Variants in SEL1L2 observed in about 807,000 individuals in gnomAD.
SEL1L2 encodes the protein SEL1L2 adaptor subunit of SYVN1 ubiquitin ligase.
Under a neutral mutation model 98.8 loss-of-function variants are expected in SEL1L2, and 89 were observed. That is an observed-to-expected ratio of 0.90 (90% CI 0.76 to 1.07). SEL1L2 has a LOEUF of 1.07. SEL1L2 is among the 50% of genes least tolerant of loss of function. The probability of loss-of-function intolerance (pLI) is 0.00; values close to 1 mark genes in which losing one functional copy is unlikely to be tolerated. For synonymous variants in SEL1L2, 262 were observed against 278.5 expected (o/e 0.94, Z 0.59); for missense variants, 788 against 812.0 (o/e 0.97, Z 0.36).
intron 8 of SEL1L2, among the ~76,000 whole-genome samples, chr20:13,887,369 T>C (rs943393982): frequency 1.3e-5 from 2 of 152,200 alleles, no homozygotes; most frequent in Admixed American, 1.3e-4. Context: ...TCATATGTGG[T>C]GACAGATACC....
At chr20:13,927,560 T>C (rs1453972607) in intron 3 of SEL1L2, among the ~76,000 whole-genome samples, 1 of 152,256 alleles carries the variant, frequency 6.6e-6, no homozygotes, top group Non-Finnish European at 1.5e-5. Flanking sequence ...CAGATTATTA[T>C]ATGTGTTTTG....
chr20:13,970,892 A>C (rs1399660015), intron 1 of SEL1L2, among the ~76,000 whole-genome samples: 1 of 148,838 alleles, frequency 6.7e-6, no homozygotes, highest in African/African-American at 2.4e-5. Context: ...TATATATATT[A>C]CTATATATAT....
intron 2 of SEL1L2, among the ~76,000 whole-genome samples, chr20:13,947,251 C>T (rs1316478434): frequency 6.6e-6 from 1 of 152,116 alleles, no homozygotes; most frequent in Non-Finnish European, 1.5e-5. Flanking sequence ...ATAAAAACCC[C>T]CGGACTCAGC....
chr20:13,873,958 G>A (rs546232666), intron 12 of SEL1L2, among the ~76,000 whole-genome samples: 9 of 152,160 alleles, frequency 5.9e-5, no homozygotes, highest in African/African-American at 1.7e-4. Context: ...AGGAGTGAAC[G>A]CAGGGTAAGT....
upstream of SEL1L2, among the ~76,000 whole-genome samples, chr20:13,991,186 TAGGGA>T (rs1258289368): frequency 1.3e-5 from 2 of 152,180 alleles, no homozygotes; most frequent in African/African-American, 4.8e-5. Flanking sequence ...AATGAATATT[TAGGGA>T]AAACATATAA....
At chr20:13,961,794 A>C (rs2050783679) in intron 1 of SEL1L2, among the ~76,000 whole-genome samples, 1 of 152,212 alleles carries the variant, frequency 6.6e-6, no homozygotes, top group Non-Finnish European at 1.5e-5. Context: ...GGCCCTAATT[A>C]ATAAACATTG....
At chr20:13,915,098 T>C (rs901091643) in intron 4 of SEL1L2, 1 of 1,284,114 alleles carries the variant, frequency 7.8e-7, no homozygotes, top group Non-Finnish European at 1.0e-6. Context: ...TTGCTTCTGA[T>C]TTAGGAGGAT....
intron 1 of SEL1L2, among the ~76,000 whole-genome samples, chr20:13,978,423 G>T (rs1402728297): frequency 6.6e-6 from 1 of 152,168 alleles, no homozygotes; most frequent in Non-Finnish European, 1.5e-5. Flanking sequence ...AACAAATGCT[G>T]GCAAGGATGT....
chr20:13,976,938 T>C (rs2051569234), intron 1 of SEL1L2, among the ~76,000 whole-genome samples: 3 of 152,186 alleles, frequency 2.0e-5, no homozygotes, highest in East Asian at 1.9e-4. Context: ...AATTTCACCA[T>C]GGTGGGCCTC....
At chr20:13,879,904 T>C (rs2046616174) in intron 10 of SEL1L2, among the ~76,000 whole-genome samples, 1 of 152,196 alleles carries the variant, frequency 6.6e-6, no homozygotes, top group Non-Finnish European at 1.5e-5. Context: ...ATTACACAAA[T>C]CACATTATCT....
chr20:13,852,946 C>T (rs137916649), intron 18 of SEL1L2, among the ~76,000 whole-genome samples: 17 of 152,050 alleles, frequency 1.1e-4, no homozygotes, highest in African/African-American at 3.6e-4. Context: ...ATAAATATAT[C>T]ATATGTTAAT....
At chr20:13,875,706 C>T (rs1232966513) in intron 12 of SEL1L2, among the ~76,000 whole-genome samples, 1 of 152,176 alleles carries the variant, frequency 6.6e-6, no homozygotes, top group Non-Finnish European at 1.5e-5. Context: ...CCTCTGTCCT[C>T]ATCTCTTTTG....
At chr20:13,907,081 T>C (rs1026057584) in intron 5 of SEL1L2, among the ~76,000 whole-genome samples, 2 of 152,220 alleles carry the variant, frequency 1.3e-5, no homozygotes, top group African/African-American at 2.4e-5. Flanking sequence ...GAAACACTCA[T>C]ATCTTTTTCT....
chr20:13,918,932 T>C, intron 4 of SEL1L2, 89 bp downstream of exon 4: 1 of 824,256 alleles, frequency 1.2e-6, no homozygotes, highest in Non-Finnish European at 2.0e-6. Flanking sequence ...ATTATCCCAA[T>C]GAGTTTTAAT....
chr20:13,878,219 C>T (rs888774116), intron 10 of SEL1L2, among the ~76,000 whole-genome samples: 6 of 152,176 alleles, frequency 3.9e-5, no homozygotes, highest in Non-Finnish European at 7.3e-5. Flanking sequence ...CTCCCTAGGC[C>T]TCATCTCGAC....
At chr20:13,975,888 A>C (rs575724330) in intron 1 of SEL1L2, among the ~76,000 whole-genome samples, 1 of 152,280 alleles carries the variant, frequency 6.6e-6, no homozygotes, top group African/African-American at 2.4e-5. Context: ...GGGTCTTACT[A>C]TGTTGTCCGG....
At chr20:13,987,179 A>G (rs866634779) in intron 1 of SEL1L2, among the ~76,000 whole-genome samples, 2 of 152,012 alleles carry the variant, frequency 1.3e-5, no homozygotes, top group Admixed American at 6.6e-5. Flanking sequence ...GCACCAACCT[A>G]ATAAATCTAT....
intron 14 of SEL1L2, 35 bp from the exon 15 acceptor site, chr20:13,866,885 T>C (rs1991130846): frequency 6.4e-7 from 1 of 1,562,156 alleles, no homozygotes; most frequent in South Asian, 1.2e-5. Flanking sequence ...CACCCCTTAT[T>C]GACTTTATTT....
chr20:13,944,777 T>C (rs1021397099), intron 2 of SEL1L2, among the ~76,000 whole-genome samples: 4 of 152,238 alleles, frequency 2.6e-5, no homozygotes, highest in African/African-American at 9.6e-5. Flanking sequence ...CAAAGCGTTT[T>C]GCTAAATGCA....
Sources: allele counts gnomAD v4.1 joint callset (sites outside exome capture counted in the v4.1 genomes callset), GRCh38; gene constraint gnomAD v4.1.1; transcripts MANE v1.5; gene names NCBI Gene and HGNC (gene_info 2026-07-23, HGNC 2026-07-21).